ZCCHC14: variants seen among roughly 807,000 people sequenced by gnomAD.
ZCCHC14 encodes the protein zinc finger CCHC domain-containing protein 14.
A neutral mutation model predicts 85.0 loss-of-function variants in ZCCHC14; 16 were observed. That is an observed-to-expected ratio of 0.19 (90% CI 0.13 to 0.29). ZCCHC14 has a LOEUF of 0.29. Among genes scored for constraint, ZCCHC14 ranks in the 10% least tolerant of loss-of-function variants. The pLI is 1.00. For missense variants in ZCCHC14, 1,303 were observed against 1,443.5 expected (o/e 0.90, Z 1.58); for synonymous variants, 775 against 630.7 (o/e 1.23, Z -3.43).
At chr16:87,458,192 G>A (rs942708918) in intron 2 of ZCCHC14, among the ~76,000 whole-genome samples, 1 of 152,200 alleles carries the variant, frequency 6.6e-6, no homozygotes, top group Non-Finnish European at 1.5e-5. Flanking sequence ...GGGTGTGCAG[G>A]GCACAGGTTC....
intron 2 of ZCCHC14, among the ~76,000 whole-genome samples, chr16:87,448,347 A>T (rs953617305): frequency 1.3e-5 from 2 of 152,176 alleles, no homozygotes; most frequent in African/African-American, 4.8e-5. Flanking sequence ...TTCTCCTTTG[A>T]AAACGTGTAA....
Position 87,420,679 on chromosome 16 carries a change from A to C in ZCCHC14, c.878T>G (p.Leu293Arg). The C allele has an allele frequency of 6.2e-7, 1 of 1,613,744 alleles. No individual in the cohort carries two copies. The highest frequency in any genetic ancestry group is 8.5e-7 in the Non-Finnish European group (1 of 1,179,834). ...QLYPEENLEKLIPCLAGPDAF... is the reference protein window; with the variant it reads ...QLYPEENLEKRIPCLAGPDAF... ...GTCCGGACCAGCTAAGCAAGGAATG[A>C]GTTTCTCCAAGTTCTCTTCAGGATA... The change falls in exon 5 of 13, where the codon CTC becomes CGC. Residue 293 changes from leucine (L) to arginine (R), a missense_variant. Physicochemically the swap from Leu to Arg is moderately radical, Grantham distance 102. Around this residue, in one of 7 missense-constraint regions of ZCCHC14, gnomAD observed 389 missense variants for 397.8 expected, o/e 0.98. Coordinates refer to ENST00000671377, the MANE Select transcript of ZCCHC14 (RefSeq NM_015144.3). The surrounding 1 kb of genome is among the most constrained non-coding windows in gnomAD (Gnocchi z 5.0).
At chr16:87,462,607 G>C (rs1911318856) in intron 1 of ZCCHC14, among the ~76,000 whole-genome samples, 1 of 152,102 alleles carries the variant, frequency 6.6e-6, no homozygotes, top group African/African-American at 2.4e-5. Context: ...AGGCATGGTG[G>C]CGGGTGCTTG....
intron 2 of ZCCHC14, among the ~76,000 whole-genome samples, chr16:87,454,412 C>A (rs936756040): frequency 6.6e-6 from 1 of 152,156 alleles, no homozygotes; most frequent in East Asian, 1.9e-4. Flanking sequence ...AAATGGCCCA[C>A]GGCATACAGC....
intron 1 of ZCCHC14, among the ~76,000 whole-genome samples, chr16:87,477,120 C>CAAAAAAAAAAAA (rs769416913): frequency 1.4e-3 from 57 of 40,480 alleles, no homozygotes; most frequent in Middle Eastern, 0.016. Flanking sequence ...GACTCAGTCT[C>CAAAAAAAAAAAA]AAAAAAAAAA....
intron 1 of ZCCHC14, among the ~76,000 whole-genome samples, chr16:87,467,971 G>C (rs1220031939): frequency 6.6e-6 from 1 of 152,068 alleles, no homozygotes; most frequent in African/African-American, 2.4e-5. Flanking sequence ...TGGGATTACA[G>C]ACATGAGCCA....
chr16:87,423,205 G>A (rs757295552), intron 4 of ZCCHC14, among the ~76,000 whole-genome samples: 4 of 152,182 alleles, frequency 2.6e-5, no homozygotes, highest in African/African-American at 9.7e-5. Context: ...CATGCACACG[G>A]AGGCAAAGAG....
At chr16:87,430,927 C>A (rs1331580792) in intron 3 of ZCCHC14, among the ~76,000 whole-genome samples, 1 of 151,816 alleles carries the variant, frequency 6.6e-6, no homozygotes, top group African/African-American at 2.4e-5. Context: ...ATCGCTTGAG[C>A]AGGGGAGTTT....
chr16:87,422,270 G>C (rs1909138269), intron 4 of ZCCHC14, among the ~76,000 whole-genome samples: 1 of 152,120 alleles, frequency 6.6e-6, no homozygotes. Context: ...GGCTGGTGTG[G>C]AAACGGGCAC....
intron 1 of ZCCHC14, among the ~76,000 whole-genome samples, chr16:87,486,307 G>A (rs1335661980): frequency 6.6e-6 from 1 of 152,016 alleles, no homozygotes; most frequent in Non-Finnish European, 1.5e-5. Context: ...ACGGACCAGG[G>A]ATCCTCTAAG....
At chr16:87,430,088 C>A (rs1044522244) in intron 3 of ZCCHC14, among the ~76,000 whole-genome samples, 5 of 152,174 alleles carry the variant, frequency 3.3e-5, no homozygotes, top group African/African-American at 1.2e-4. Context: ...TCGATGTTGT[C>A]TTTTATGGAT....
chr16:87,467,766 C>G, intron 1 of ZCCHC14: 1 of 514,538 alleles, frequency 1.9e-6, no homozygotes, highest in Non-Finnish European at 3.5e-6. Flanking sequence ...ATTCTCCTGC[C>G]TCAGCTTCTC....
At chr16:87,474,686 C>T (rs1911923176) in intron 1 of ZCCHC14, among the ~76,000 whole-genome samples, 2 of 152,148 alleles carry the variant, frequency 1.3e-5, no homozygotes, top group Non-Finnish European at 2.9e-5. Flanking sequence ...CTAAAGCTCA[C>T]AGAGAGCCCC....
At chr16:87,430,596 A>G (rs1935851812) in intron 3 of ZCCHC14, among the ~76,000 whole-genome samples, 2 of 148,900 alleles carry the variant, frequency 1.3e-5, no homozygotes, top group Admixed American at 6.8e-5. Flanking sequence ...ATCTCGGCTC[A>G]CTGCAACCTC....
chr16:87,458,017 G>C (rs941848189), intron 2 of ZCCHC14, among the ~76,000 whole-genome samples: 3 of 151,686 alleles, frequency 2.0e-5, no homozygotes, highest in African/African-American at 4.8e-5. Context: ...GCTCACATGA[G>C]AGTCAGCTCA....
At chr16:87,432,600 G>A (rs1909716795) in intron 3 of ZCCHC14, among the ~76,000 whole-genome samples, 1 of 152,088 alleles carries the variant, frequency 6.6e-6, no homozygotes, top group Admixed American at 6.5e-5. Flanking sequence ...CCTCCTGCAC[G>A]CCCTGCTGTG....
intron 1 of ZCCHC14, among the ~76,000 whole-genome samples, chr16:87,469,639 T>C (rs1911689694): frequency 6.6e-6 from 1 of 152,208 alleles, no homozygotes; most frequent in South Asian, 2.1e-4. Flanking sequence ...TTCAAAATGT[T>C]AGTTGCTGTT....
chr16:87,487,759 T>C (rs1403031793), intron 1 of ZCCHC14, among the ~76,000 whole-genome samples: 1 of 152,252 alleles, frequency 6.6e-6, no homozygotes, highest in Non-Finnish European at 1.5e-5. Flanking sequence ...GAAGAATGCG[T>C]GAGCACAGCT....
In ZCCHC14 at chr16:87,435,314, C is replaced by G. The variant is rs555887585; in HGVS notation, c.695-2113G>C. Among the ~76,000 whole-genome samples, 8 of 152,330 alleles carry G rather than the reference C, an allele frequency of 5.3e-5. No homozygotes were observed. In the South Asian group the frequency reaches 6.2e-4, roughly 12 times the overall value. On this transcript the variant is annotated intron_variant, in intron 2 of 12. Transcript: ENST00000671377. ...CCCCCAGTTGTCCTGAAGAACCACG[C>G]TGAGGGTTCTGCAGCCATGGGAGGC... is the stretch of plus-strand genomic sequence containing the variant.
Sources: gnomAD v4.1 joint callset for allele counts (sites outside exome capture counted in the v4.1 genomes callset) on GRCh38, gnomAD v4.1.1 for gene constraint, gnomAD v4.1.1 regional missense constraint, Gnocchi (gnomAD v3.1) non-coding constraint, MANE v1.5 for transcripts, NCBI Gene and HGNC (gene_info 2026-07-23, HGNC 2026-07-21) for gene names.